ROR2: variants seen among roughly 807,000 people sequenced by gnomAD.
ROR2 encodes ROR family WNT receptor 2, also known as tyrosine-protein kinase transmembrane receptor ROR2.
ROR2 carries 33 observed loss-of-function variants against 74.9 expected under a neutral mutation model. The observed-to-expected ratio is 0.44, with a 90% CI of 0.33 to 0.59. The LOEUF (loss-of-function observed/expected upper bound fraction) is 0.59. Among genes scored for constraint, ROR2 ranks in the 20% least tolerant of loss-of-function variants. The pLI is 0.02. For missense variants in ROR2, 1,216 were observed against 1,313.8 expected (o/e 0.93, Z 1.15); for synonymous variants, 586 against 558.7 (o/e 1.05, Z -0.69).
chr9:91,904,853 C>T (rs1359534834), intron 1 of ROR2, among the ~76,000 whole-genome samples: 1 of 152,132 alleles, frequency 6.6e-6, no homozygotes, highest in Non-Finnish European at 1.5e-5. Flanking sequence ...ATTATTGCCT[C>T]CATTCTGGCT....
At chr9:91,746,504 G>A (rs1823087472) in intron 4 of ROR2, among the ~76,000 whole-genome samples, 1 of 152,234 alleles carries the variant, frequency 6.6e-6, no homozygotes, top group African/African-American at 2.4e-5. Context: ...CCCGAAAATA[G>A]CAATGGAAGG....
chr9:91,798,154 A>G (rs1343350099), intron 1 of ROR2, among the ~76,000 whole-genome samples: 2 of 16,812 alleles, frequency 1.2e-4, no homozygotes, highest in Admixed American at 7.4e-4. Flanking sequence ...TCTGTGGGCG[A>G]GGCTGACACC....
At chr9:91,856,242 G>A (rs1829281448) in intron 1 of ROR2, among the ~76,000 whole-genome samples, 1 of 152,172 alleles carries the variant, frequency 6.6e-6, no homozygotes, top group Non-Finnish European at 1.5e-5. Context: ...TGTAGTCCCA[G>A]CTACTTGTGC....
intron 1 of ROR2, among the ~76,000 whole-genome samples, chr9:91,929,675 G>C (rs151007542): frequency 1.3e-5 from 2 of 152,290 alleles, no homozygotes; most frequent in East Asian, 3.9e-4. Context: ...GAGCAAAGTT[G>C]CTTCACACTG....
At chr9:91,818,399 C>G (rs1828014568) in intron 1 of ROR2, among the ~76,000 whole-genome samples, 2 of 152,060 alleles carry the variant, frequency 1.3e-5, no homozygotes, top group Admixed American at 1.3e-4. Flanking sequence ...TGCCACACCC[C>G]CCCACAGGCT....
chr9:91,782,769 A>G (rs1430803495), intron 1 of ROR2, among the ~76,000 whole-genome samples: 1 of 152,208 alleles, frequency 6.6e-6, no homozygotes, highest in Non-Finnish European at 1.5e-5. Flanking sequence ...ATGTAGCCAG[A>G]GGCTAACCCA....
intron 1 of ROR2, among the ~76,000 whole-genome samples, chr9:91,804,483 G>A (rs1369240327): frequency 2.6e-5 from 4 of 152,156 alleles, no homozygotes; most frequent in African/African-American, 9.7e-5. Flanking sequence ...AAGTGTCAAG[G>A]GCTTAGCACC....
chr9:91,924,189 G>T (rs1326433335), intron 1 of ROR2, among the ~76,000 whole-genome samples: 4 of 152,246 alleles, frequency 2.6e-5, no homozygotes, highest in Non-Finnish European at 4.4e-5. Flanking sequence ...TGTCCTCCAT[G>T]GTAGGTGATC....
In ROR2 at chr9:91,840,574, G is replaced by T. The variant is rs372223926; in HGVS notation, c.98-64756C>A. 4.2e-3 allele frequency among the ~76,000 whole-genome samples: 638 copies of T among 152,332 alleles called. 6 individuals carry two copies. In the Middle Eastern group the frequency reaches 0.044, roughly 11 times the overall value. Reference sequence around the variant, plus strand: ...CAGCGAGGCTGGATCCCCAGCTGGGGGCCTTCCTCCTGAGCTGGCCATGCT... The same window carrying T: ...CAGCGAGGCTGGATCCCCAGCTGGGTGCCTTCCTCCTGAGCTGGCCATGCT... On this transcript the variant is annotated intron_variant, in intron 1 of 8. Transcript: ENST00000375708.
At chr9:91,814,063 C>G (rs1163158154) in intron 1 of ROR2, among the ~76,000 whole-genome samples, 1 of 152,192 alleles carries the variant, frequency 6.6e-6, no homozygotes, top group Non-Finnish European at 1.5e-5. Context: ...TGGCACACAC[C>G]TGTAGTCCCA....
At chr9:91,831,271 A>C (rs1040255795) in intron 1 of ROR2, among the ~76,000 whole-genome samples, 3 of 95,660 alleles carry the variant, frequency 3.1e-5, no homozygotes, top group African/African-American at 1.5e-4. Context: ...TCAAAAAAAC[A>C]AAAAAAAAAA....
chr9:91,844,645 C>G (rs567829130), intron 1 of ROR2, among the ~76,000 whole-genome samples: 1 of 152,306 alleles, frequency 6.6e-6, no homozygotes, highest in African/African-American at 2.4e-5. Context: ...ACTGCAGCCC[C>G]GGATGGGCCC....
At chr9:91,937,493 C>A (rs980621083) in intron 1 of ROR2, among the ~76,000 whole-genome samples, 1 of 152,028 alleles carries the variant, frequency 6.6e-6, no homozygotes, top group African/African-American at 2.4e-5. Context: ...ATATGAACTG[C>A]CACAGCCTAC....
chr9:91,946,109 C>T (rs1832007162), intron 1 of ROR2, among the ~76,000 whole-genome samples: 2 of 152,198 alleles, frequency 1.3e-5, no homozygotes, highest in East Asian at 3.8e-4. Flanking sequence ...GTTTTCAAAG[C>T]CAGTCCCTTC....
chr9:91,824,616 C>T (rs1014639930), intron 1 of ROR2, among the ~76,000 whole-genome samples: 10 of 152,178 alleles, frequency 6.6e-5, no homozygotes, highest in East Asian at 5.8e-4. Context: ...AATGTTTCAA[C>T]GCACACCAAA....
intron 1 of ROR2, 39 bp from the exon 2 acceptor site, chr9:91,775,857 T>G (rs755865827): frequency 5.5e-5 from 86 of 1,573,476 alleles, no homozygotes; most frequent in Non-Finnish European, 7.0e-5. Flanking sequence ...AAACAAGTTT[T>G]CCTTTCAGGA....
chr9:91,947,174 T>A (rs1832033828), intron 1 of ROR2, among the ~76,000 whole-genome samples: 1 of 152,244 alleles, frequency 6.6e-6, no homozygotes, highest in South Asian at 2.1e-4. Context: ...AAACGCACAT[T>A]TTAAAAAACC....
At chr9:91,865,665 T>C (rs1296481283) in intron 1 of ROR2, among the ~76,000 whole-genome samples, 1 of 152,250 alleles carries the variant, frequency 6.6e-6, no homozygotes, top group Non-Finnish European at 1.5e-5. Context: ...GCCATTTATT[T>C]TAAATGAAAT....
At chr9:91,937,633 G>C (rs1026128696) in intron 1 of ROR2, among the ~76,000 whole-genome samples, 1 of 151,980 alleles carries the variant, frequency 6.6e-6, no homozygotes, top group Non-Finnish European at 1.5e-5. Flanking sequence ...AATTTGTAGA[G>C]ATAAATGTCT....
Sources: gnomAD v4.1 joint callset for allele counts (sites outside exome capture counted in the v4.1 genomes callset) on GRCh38, gnomAD v4.1.1 for gene constraint, MANE v1.5 for transcripts, NCBI Gene and HGNC (gene_info 2026-07-23, HGNC 2026-07-21) for gene names.